The following NCOR2 variants were observed in gnomAD, a reference collection of about 807,000 sequenced individuals.
NCOR2 encodes CTG repeat protein 26.
Under a neutral mutation model 262.9 loss-of-function variants are expected in NCOR2, and 81 were observed. The observed-to-expected ratio is 0.31, with a 90% confidence interval of 0.26 to 0.37. The LOEUF (loss-of-function observed/expected upper bound fraction) is 0.37. NCOR2 is among the 10% of genes least tolerant of loss of function. The probability of loss-of-function intolerance (pLI) is 1.00; values close to 1 mark genes in which losing one functional copy is unlikely to be tolerated. For synonymous variants in NCOR2, 1,659 were observed against 1,559.3 expected (o/e 1.06, Z -1.51); for missense variants, 3,385 against 3,621.4 (o/e 0.93, Z 1.68).
At chr12:124,383,363 C>T (rs1565894909) in intron 17 of NCOR2, 1 of 231,480 alleles carries the variant, frequency 4.3e-6, no homozygotes, top group Non-Finnish European at 8.3e-6. Context: ...CTGCACGCAC[C>T]GTTCAAGAGG....
chr12:124,333,106 C>A, intron 42 of NCOR2, 24 bp downstream of exon 44: 1 of 1,577,480 alleles, frequency 6.3e-7, no homozygotes, highest in East Asian at 2.3e-5. Flanking sequence ...ATCCCGGGGG[C>A]AGCGCATGTG....
chr12:124,366,874 G>T (rs1881071), intron 20 of NCOR2, among the ~76,000 whole-genome samples: 114,873 of 151,978 alleles, frequency 0.76, 44,199 homozygotes, highest in East Asian at 0.9. Flanking sequence ...TCTTAATAAC[G>T]GTTACAAAAT....
intron 2 of NCOR2, among the ~76,000 whole-genome samples, chr12:124,485,533 T>C (rs1489946957): frequency 2.0e-5 from 3 of 152,230 alleles, no homozygotes; most frequent in Non-Finnish European, 4.4e-5. Context: ...AATGCACTTC[T>C]GTGGCTTGAA....
chr12:124,354,556 G>T, exon 26 of NCOR2: 1 of 1,596,402 alleles, frequency 6.3e-7, no homozygotes, highest in Non-Finnish European at 8.5e-7. Context: ...GGGGACAGCT[G>T]CTCCTGCTTC....
chr12:124,456,046 T>C (rs1040049115), intron 6 of NCOR2, among the ~76,000 whole-genome samples: 5 of 152,196 alleles, frequency 3.3e-5, no homozygotes, highest in African/African-American at 4.8e-5. Context: ...TGGTGAATTT[T>C]TTAATTTTTT....
intron 16 of NCOR2, chr12:124,388,824 T>G: frequency 7.8e-7 from 1 of 1,286,586 alleles, no homozygotes; most frequent in South Asian, 1.3e-5. Context: ...TGGCGTCTGC[T>G]GGCGGCTCAG....
intron 13 of NCOR2, among the ~76,000 whole-genome samples, chr12:124,417,242 C>T (rs1416238824): frequency 1.3e-5 from 2 of 151,792 alleles, no homozygotes; most frequent in African/African-American, 4.9e-5. Context: ...GACAGCAGGC[C>T]GGACACTCAC....
chr12:124,369,759 T>C (rs1002022238), intron 20 of NCOR2, among the ~76,000 whole-genome samples: 5 of 151,972 alleles, frequency 3.3e-5, no homozygotes, highest in Non-Finnish European at 5.9e-5. Context: ...ACCCGGGGGC[T>C]GTGTGCTGGA....
rs931578917 is a variant in NCOR2 at position 124,362,029 on chromosome 12, C to T, written c.3100+97G>A. Reference sequence around the variant, plus strand: ...TACTTTGCTTTCCCTGCCACTGTGGCCATGGGGTTTGCAGCAGCTGCTCTA... The same window carrying T: ...TACTTTGCTTTCCCTGCCACTGTGGTCATGGGGTTTGCAGCAGCTGCTCTA... On this transcript the variant is annotated intron_variant, in intron 22 of 46. Coordinates refer to ENST00000405201, the Ensembl canonical transcript of NCOR2. The T allele has an allele frequency of 3.7e-5, 41 of 1,115,854 alleles. No individual in the cohort carries two copies. In the African/African-American group the frequency reaches 6.3e-4, roughly 17 times the overall value. The allele number at this position is 1,115,854 out of a possible 1,614,324, so 69.1% of individuals were successfully genotyped here. A position where few individuals can be genotyped will look rare whatever the true frequency, so the allele number is the denominator to read the frequency against.
At chr12:124,325,292 T>A (rs2034527480) in exon 47 of NCOR2, 1 of 661,708 alleles carries the variant, frequency 1.5e-6, no homozygotes, top group African/African-American at 2.0e-5. Flanking sequence ...GCAGGCGGAC[T>A]CAGGGGCTCC....
intron 22 of NCOR2, among the ~76,000 whole-genome samples, chr12:124,359,301 G>A (rs1336043190): frequency 1.3e-5 from 2 of 152,208 alleles, no homozygotes; most frequent in Non-Finnish European, 1.5e-5. Context: ...CATCTATCAC[G>A]CCGCCTCCAG....
At chr12:124,332,007 C>A (rs1324696412) in intron 43 of NCOR2, 1 of 357,380 alleles carries the variant, frequency 2.8e-6, no homozygotes, top group African/African-American at 2.1e-5. Flanking sequence ...GTGTGGGAGG[C>A]GCCCGGCCCT....
At position 124,327,387 on chromosome 12, in the gene NCOR2, G is replaced by A. The variant is rs747361772; in HGVS notation, c.7183+22C>T. 33 of 1,570,380 alleles carry A rather than the reference G, an allele frequency of 2.1e-5. No homozygotes were observed. The Admixed American group carries it at 4.6e-4, about 22-fold the overall frequency. ...ACCGGGGGTGGGGACAGACGGGGGCGGGGCGGGGGTGGCCTGCAGACCTGG... is the reference window on the plus strand; with the variant it reads ...ACCGGGGGTGGGGACAGACGGGGGCAGGGCGGGGGTGGCCTGCAGACCTGG... On this transcript the variant is annotated intron_variant, in intron 45 of 46. Transcript: ENST00000405201.
In NCOR2 at chr12:124,460,987, G is replaced by A. The variant is rs571310974; in HGVS notation, c.706-3825C>T. The stretch of plus-strand genomic sequence containing the variant: ...AGGCCCAGCTTGCAGGGGACGCCAG[G>A]ACACACTTGTTAGAGCTGAACTAAC... On this transcript the variant is annotated intron_variant, in intron 5 of 46. Transcript: ENST00000405201. 2.0e-5 allele frequency among the ~76,000 whole-genome samples: 3 copies of A among 152,358 alleles called. No individual in the cohort carries two copies. The East Asian group carries it at 5.8e-4, about 29-fold the overall frequency.
chr12:124,340,481 C>T (rs1350069705), intron 35 of NCOR2, 38 bp from the exon 38 acceptor site: 18 of 1,598,224 alleles, frequency 1.1e-5, no homozygotes, highest in South Asian at 7.7e-5. Flanking sequence ...GCCCCAGGGC[C>T]GAAGAAGAGC....
Position 124,343,240 on chromosome 12 carries a change from A to T in NCOR2, c.4715-14T>A. 6.2e-7 allele frequency: 1 copy of T among 1,604,980 alleles called. No homozygotes were observed. ...ACGAAAGGCTGCCTGTGGACGGGCA[A>T]GGTGGATGCATCGGGCCTCTGGGGC... is the stretch of plus-strand genomic sequence containing the variant. On this transcript the variant is annotated splice_polypyrimidine_tract_variant and intron_variant, in intron 32 of 46. Coordinates refer to ENST00000405201, the Ensembl canonical transcript of NCOR2.
At chr12:124,564,308 A>T (rs1042530423) in intron 1 of NCOR2, among the ~76,000 whole-genome samples, 1 of 152,174 alleles carries the variant, frequency 6.6e-6, no homozygotes, top group Non-Finnish European at 1.5e-5. Flanking sequence ...GCCTGGGCCT[A>T]AAAAACCTGG....
chr12:124,414,166 G>A (rs1054802468), intron 13 of NCOR2, among the ~76,000 whole-genome samples: 5 of 152,212 alleles, frequency 3.3e-5, no homozygotes, highest in Admixed American at 6.5e-5. Context: ...GTGTGCTGCC[G>A]AGGGGACGGC....
chr12:124,395,663 C>T (rs1270834455), intron 16 of NCOR2, among the ~76,000 whole-genome samples: 1 of 152,168 alleles, frequency 6.6e-6, no homozygotes, highest in Non-Finnish European at 1.5e-5. Flanking sequence ...AGAGGGCAGG[C>T]ACTGTCTTCC....
Sources: gnomAD v4.1 joint callset for allele counts (sites outside exome capture counted in the v4.1 genomes callset) on GRCh38, gnomAD v4.1.1 for gene constraint, MANE v1.5 for transcripts, NCBI Gene and HGNC (gene_info 2026-07-23, HGNC 2026-07-21) for gene names.